LARS2: variants seen among roughly 807,000 people sequenced by gnomAD.
LARS2 encodes leucine--tRNA ligase, mitochondrial.
LARS2 carries 81 observed loss-of-function variants against 116.6 expected under a neutral mutation model. The ratio of observed to expected loss-of-function variants is 0.69; its 90% CI spans 0.58 to 0.84. LARS2 has a LOEUF of 0.84. Ranked by LOEUF, LARS2 falls within the 40% of genes least tolerant of loss-of-function variation. The pLI is 0.00. For synonymous variants in LARS2, 396 were observed against 407.2 expected (o/e 0.97, Z 0.33); for missense variants, 968 against 1,114.5 (o/e 0.87, Z 1.87).
Position 45,446,887 on chromosome 3 carries a change from G to T in LARS2, c.517-4G>T. On this transcript the variant is annotated splice_region_variant and splice_polypyrimidine_tract_variant and intron_variant, in intron 6 of 21. Coordinates refer to ENST00000645846, the MANE Select transcript of LARS2 (RefSeq NM_015340.4). ...TGTACATTATTTTTCTTCTTTGTTG[G>T]CAGGAAATAACTACGTGTTTGCCAG... The T allele has an allele frequency of 6.3e-7, 1 of 1,585,304 alleles. No individual in the cohort carries two copies.
intron 20 of LARS2, among the ~76,000 whole-genome samples, chr3:45,532,265 C>T (rs1031769513): frequency 6.6e-5 from 10 of 152,106 alleles, no homozygotes; most frequent in Non-Finnish European, 2.9e-5. Context: ...AGGAAGCAGC[C>T]TTCTGGTTTT....
chr3:45,523,912 C>T, intron 19 of LARS2, 85 bp from the exon 20 acceptor site: 1 of 990,446 alleles, frequency 1.0e-6, no homozygotes, highest in Non-Finnish European at 1.6e-6. Context: ...GCTTGTGTCT[C>T]TGGACTTCAG....
chr3:45,451,921 T>G (rs1310763982), intron 7 of LARS2, among the ~76,000 whole-genome samples: 1 of 152,134 alleles, frequency 6.6e-6, no homozygotes. Flanking sequence ...TAACCTTGCT[T>G]AAATTTACTC....
At chr3:45,547,103 C>T (rs989288455) in intron 21 of LARS2, among the ~76,000 whole-genome samples, 3 of 152,226 alleles carry the variant, frequency 2.0e-5, no homozygotes, top group African/African-American at 7.2e-5. Flanking sequence ...GGTCCTCACT[C>T]CACGTACGGG....
At chr3:45,391,901 A>C (rs956269275) in intron 2 of LARS2, among the ~76,000 whole-genome samples, 23 of 152,290 alleles carry the variant, frequency 1.5e-4, no homozygotes, top group Middle Eastern at 6.8e-3. Context: ...AAGTCACTGT[A>C]TTTTATAATT....
At chr3:45,476,375 A>C in intron 9 of LARS2, 93 bp from the exon 10 acceptor site, 25 of 1,275,696 alleles carry the variant, frequency 2.0e-5, no homozygotes, top group Non-Finnish European at 2.7e-5. Flanking sequence ...CTGTTGGGGA[A>C]TGAGGAGGGA....
At chr3:45,445,047 C>T (rs2125703198) in intron 6 of LARS2, among the ~76,000 whole-genome samples, 1 of 152,134 alleles carries the variant, frequency 6.6e-6, no homozygotes, top group African/African-American at 2.4e-5. Context: ...ATATTTTTAC[C>T]ATACTACCTC....
At chr3:45,452,548 T>C (rs568579871) in intron 7 of LARS2, among the ~76,000 whole-genome samples, 2 of 152,326 alleles carry the variant, frequency 1.3e-5, no homozygotes, top group South Asian at 4.1e-4. Context: ...CTGTTGATCA[T>C]GGTGAATGAT....
At chr3:45,530,485 G>A (rs146347090) in intron 20 of LARS2, among the ~76,000 whole-genome samples, 1 of 151,840 alleles carries the variant, frequency 6.6e-6, no homozygotes, top group Non-Finnish European at 1.5e-5. Context: ...GCACCACTAC[G>A]CTCCCACCTG....
chr3:45,481,663 TG>T (rs1331665033), intron 10 of LARS2, among the ~76,000 whole-genome samples: 2 of 152,178 alleles, frequency 1.3e-5, no homozygotes, highest in African/African-American at 4.8e-5. Context: ...TCAGTTCTCT[TG>T]CCCCTTTTAA....
intron 17 of LARS2, 43 bp downstream of exon 17, chr3:45,516,319 G>A: frequency 6.4e-7 from 1 of 1,564,888 alleles, no homozygotes. Context: ...TTTGTGATCT[G>A]CCCTGGACTT....
intron 17 of LARS2, 116 bp downstream of exon 17, chr3:45,516,392 G>A: frequency 1.0e-6 from 1 of 995,960 alleles, no homozygotes; most frequent in South Asian, 1.6e-5. Context: ...CTAGGAATCA[G>A]TTCCATAGAG....
intron 13 of LARS2, among the ~76,000 whole-genome samples, chr3:45,494,081 G>A (rs1275099861): frequency 2.6e-5 from 4 of 152,152 alleles, no homozygotes; most frequent in Admixed American, 6.5e-5. Context: ...AGCCCTGGGT[G>A]GTAGGAAGCT....
At chr3:45,415,214 TG>T (rs1048786819) in intron 4 of LARS2, among the ~76,000 whole-genome samples, 2 of 152,074 alleles carry the variant, frequency 1.3e-5, no homozygotes, top group Admixed American at 1.3e-4. Flanking sequence ...AATAAGGGGT[TG>T]GGGGGTAGAG....
chr3:45,471,625 A>G (rs1281898270), intron 8 of LARS2, among the ~76,000 whole-genome samples: 3 of 152,202 alleles, frequency 2.0e-5, no homozygotes, highest in Non-Finnish European at 2.9e-5. Flanking sequence ...AGTCAGGGAG[A>G]TTGAGCCAAT....
chr3:45,415,893 GGA>G (rs71095034), intron 4 of LARS2, among the ~76,000 whole-genome samples: 1,298 of 69,778 alleles, frequency 0.019, 29 homozygotes, highest in Admixed American at 0.1. Flanking sequence ...AGAGAGAGAG[GGA>G]GAGAGAGAGA....
chr3:45,540,746 GTCTA>G (rs3085493), intron 20 of LARS2, among the ~76,000 whole-genome samples: 42,299 of 148,058 alleles, frequency 0.29, 6,472 homozygotes, highest in East Asian at 0.35. Context: ...GTATCTATCT[GTCTA>G]TCTATCTATC....
chr3:45,400,364 A>G lies in LARS2; in HGVS notation c.354A>G (p.Arg118=), dbSNP rs772591873. The part of the protein sequence containing the change: ...SDTIARFQKM[R]GMQVINPMGW... The stretch of plus-strand genomic sequence containing the variant: ...CCATAGCACGGTTCCAGAAGATGAG[A>G]GGGATGCAGGTAAGAACAGGTGCCT... Residue 118 remains arginine, a synonymous_variant, in exon 4 of 22, where the codon AGA becomes AGG. Coordinates refer to ENST00000645846, the MANE Select transcript of LARS2 (RefSeq NM_015340.4). 1.2e-6 allele frequency: 2 copies of G among 1,609,646 alleles called. No individual in the cohort carries two copies. The highest frequency in any genetic ancestry group is 2.2e-5 in the South Asian group (2 of 90,204).
intron 13 of LARS2, among the ~76,000 whole-genome samples, chr3:45,494,722 G>A (rs1699979421): frequency 6.6e-6 from 1 of 152,116 alleles, no homozygotes; most frequent in South Asian, 2.1e-4. Flanking sequence ...GTGGCTTTTG[G>A]CACCTGGTTC....
Sources: allele counts gnomAD v4.1 joint callset (sites outside exome capture counted in the v4.1 genomes callset), GRCh38; gene constraint gnomAD v4.1.1; transcripts MANE v1.5; gene names NCBI Gene and HGNC (gene_info 2026-07-23, HGNC 2026-07-21).